TRPM3: variants seen among roughly 807,000 people sequenced by gnomAD.
The protein encoded by TRPM3 is long transient receptor potential channel 3.
A neutral mutation model predicts 181.2 loss-of-function variants in TRPM3; 77 were observed. The ratio of observed to expected loss-of-function variants is 0.42; its 90% confidence interval spans 0.35 to 0.51. The LOEUF (loss-of-function observed/expected upper bound fraction) is 0.51. TRPM3 is among the 20% of genes least tolerant of loss of function. TRPM3 has a pLI of 0.01. For synonymous variants in TRPM3, 745 were observed against 796.4 expected, an observed-to-expected ratio of 0.94 and a Z score of 1.09; for missense variants, 1,759 against 2,196.7, an observed-to-expected ratio of 0.80 and a Z score of 3.98.
intron 1 of TRPM3, among the ~76,000 whole-genome samples, chr9:71,329,785 T>C (rs1223706748): frequency 6.6e-6 from 1 of 152,184 alleles, no homozygotes; most frequent in Non-Finnish European, 1.5e-5. Context: ...GGGGGTATTG[T>C]CTAACAATGT....
At chr9:71,414,278 T>C (rs143701259) in intron 1 of TRPM3, among the ~76,000 whole-genome samples, 287 of 151,588 alleles carry the variant, frequency 1.9e-3, no homozygotes, top group African/African-American at 6.5e-3. Flanking sequence ...GGATGGATTT[T>C]ATTTCTGCTA....
chr9:71,367,612 CTG>C (rs949063572), intron 1 of TRPM3, among the ~76,000 whole-genome samples: 1 of 152,146 alleles, frequency 6.6e-6, no homozygotes, highest in Non-Finnish European at 1.5e-5. Context: ...CTCTCCAAGT[CTG>C]TTTTCTCACC....
chr9:70,915,698 G>T (rs531030808), intron 1 of TRPM3, among the ~76,000 whole-genome samples: 58 of 144,264 alleles, frequency 4.0e-4, no homozygotes, highest in African/African-American at 1.5e-3. Flanking sequence ...TCAGATGAGA[G>T]AAAAGAAAAA....
chr9:71,290,405 A>C (rs2085707589), intron 1 of TRPM3, among the ~76,000 whole-genome samples: 1 of 152,192 alleles, frequency 6.6e-6, no homozygotes, highest in African/African-American at 2.4e-5. Flanking sequence ...GCAATACTTG[A>C]AACCAGTATT....
At chr9:71,022,739 T>G (rs765543487) in intron 1 of TRPM3, among the ~76,000 whole-genome samples, 57 of 151,934 alleles carry the variant, frequency 3.8e-4, no homozygotes, top group African/African-American at 1.4e-3. Context: ...CATAATAAAA[T>G]AAAATAAAAA....
chr9:71,236,661 C>T (rs1401528650), intron 1 of TRPM3, among the ~76,000 whole-genome samples: 1 of 152,118 alleles, frequency 6.6e-6, no homozygotes, highest in Admixed American at 6.6e-5. Context: ...AGAAATTATG[C>T]ACCACTCCCT....
At chr9:71,277,422 GT>G (rs2084304403) in intron 1 of TRPM3, among the ~76,000 whole-genome samples, 1 of 152,150 alleles carries the variant, frequency 6.6e-6, no homozygotes, top group Non-Finnish European at 1.5e-5. Context: ...AATAAAAATA[GT>G]TTTGTTTTTG....
At chr9:70,781,436 G>T (rs2082443696) in intron 7 of TRPM3, among the ~76,000 whole-genome samples, 1 of 151,818 alleles carries the variant, frequency 6.6e-6, no homozygotes, top group Admixed American at 6.6e-5. Flanking sequence ...ATGACACGGG[G>T]TTGATCAGCT....
intron 1 of TRPM3, among the ~76,000 whole-genome samples, chr9:71,321,344 T>C (rs536367073): frequency 6.6e-6 from 1 of 152,322 alleles, no homozygotes; most frequent in African/African-American, 2.4e-5. Flanking sequence ...TTTATCCTCA[T>C]CTGTGGTCTT....
chr9:71,401,428 G>T (rs2093339512), intron 1 of TRPM3, among the ~76,000 whole-genome samples: 1 of 152,084 alleles, frequency 6.6e-6, no homozygotes, highest in African/African-American at 2.4e-5. Context: ...TGAAGAACAT[G>T]GTTTTGGCAG....
intron 7 of TRPM3, among the ~76,000 whole-genome samples, chr9:70,770,905 G>A (rs2080118968): frequency 6.6e-6 from 1 of 152,180 alleles, no homozygotes; most frequent in Admixed American, 6.6e-5. Context: ...TTAGCTGGAG[G>A]AGTCCATCCC....
intron 1 of TRPM3, among the ~76,000 whole-genome samples, chr9:70,947,755 GA>G (rs1197610598): frequency 6.6e-6 from 1 of 152,094 alleles, no homozygotes; most frequent in Non-Finnish European, 1.5e-5. Context: ...GTGGGTGGGG[GA>G]AAGAAGGTTG....
chr9:70,846,339 A>G, intron 4 of TRPM3, 39 bp downstream of exon 4: 1 of 1,559,128 alleles, frequency 6.4e-7, no homozygotes, highest in Non-Finnish European at 8.8e-7. Context: ...CAACATTCCC[A>G]TGGCCTATGT....
intron 9 of TRPM3, among the ~76,000 whole-genome samples, chr9:70,658,954 C>A (rs1006114968): frequency 6.6e-6 from 1 of 151,958 alleles, no homozygotes; most frequent in African/African-American, 2.4e-5. Context: ...TTGTCAGAGT[C>A]AAGAAAACTT....
chr9:70,950,681 C>T (rs1331097044), intron 1 of TRPM3, among the ~76,000 whole-genome samples: 1 of 152,122 alleles, frequency 6.6e-6, no homozygotes, highest in Non-Finnish European at 1.5e-5. Context: ...GAGGAGAAAA[C>T]CAACATTAGA....
chr9:70,949,121 T>C lies in TRPM3; in HGVS notation c.178-84610A>G, dbSNP rs75195295. 9.7e-3 allele frequency among the ~76,000 whole-genome samples: 1,476 copies of C among 152,194 alleles called. 29 individuals carry two copies. Among genetic ancestry groups the C allele is most frequent in the African/African-American group, 0.034 (1,401 of 41,532 alleles). The stretch of plus-strand genomic sequence containing the variant: ...TATTCTATAGGAGAGACCAAATTCA[T>C]AGAGCTCACAGGATACTGGGGTGAG... On this transcript the variant is annotated intron_variant, in intron 1 of 25. Transcript: ENST00000677713.
intron 1 of TRPM3, among the ~76,000 whole-genome samples, chr9:71,206,207 CACCAACAGTGT>C (rs2079109698): frequency 6.6e-6 from 1 of 152,184 alleles, no homozygotes; most frequent in Non-Finnish European, 1.5e-5. Flanking sequence ...TTTACACTCC[CACCAACAGTGT>C]AAAAGCTTTC....
At chr9:71,214,233 T>C (rs1382756005) in intron 1 of TRPM3, among the ~76,000 whole-genome samples, 1 of 152,184 alleles carries the variant, frequency 6.6e-6, no homozygotes, top group East Asian at 1.9e-4. Flanking sequence ...AGGAGATTTG[T>C]TGGAAAAGGA....
intron 6 of TRPM3, among the ~76,000 whole-genome samples, chr9:70,785,819 A>G (rs1431561239): frequency 6.6e-6 from 1 of 152,194 alleles, no homozygotes; most frequent in African/African-American, 2.4e-5. Context: ...AATGCCAGTT[A>G]CACAAAAGTG....
Sources: gnomAD v4.1 joint callset for allele counts (sites outside exome capture counted in the v4.1 genomes callset) on GRCh38, gnomAD v4.1.1 for gene constraint, MANE v1.5 for transcripts, NCBI Gene and HGNC (gene_info 2026-07-23, HGNC 2026-07-21) for gene names.